The following FKBP5 variants were observed in gnomAD, a reference collection of about 807,000 sequenced individuals.
The protein encoded by FKBP5 is peptidyl-prolyl cis-trans isomerase FKBP5.
In FKBP5, 23 loss-of-function variants were observed where a neutral mutation model predicts 50.5. The observed-to-expected ratio is 0.46, with a 90% CI of 0.33 to 0.65. The LOEUF (loss-of-function observed/expected upper bound fraction) is 0.65. Among genes scored for constraint, FKBP5 ranks in the 30% least tolerant of loss-of-function variants. The pLI is 0.02. For synonymous variants in FKBP5, 176 were observed against 190.6 expected, an observed-to-expected ratio of 0.92 and a Z score of 0.63; for missense variants, 411 against 553.1, an observed-to-expected ratio of 0.74 and a Z score of 2.58.
chr6:35,677,166 C>T (rs910158409), intron 1 of FKBP5, among the ~76,000 whole-genome samples: 2 of 152,162 alleles, frequency 1.3e-5, no homozygotes, highest in Non-Finnish European at 2.9e-5. Context: ...CTCCGCCTCC[C>T]GGGTTCACTC....
At chr6:35,717,657 G>A (rs903535949) in intron 2 of FKBP5, among the ~76,000 whole-genome samples, 5 of 152,252 alleles carry the variant, frequency 3.3e-5, no homozygotes, top group Non-Finnish European at 7.3e-5. Context: ...AGTGGGTCTG[G>A]ACATGGCTGT....
At chr6:35,592,930 T>C (rs116021919) in intron 6 of FKBP5, among the ~76,000 whole-genome samples, 54 of 152,258 alleles carry the variant, frequency 3.5e-4, no homozygotes, top group African/African-American at 1.3e-3. Flanking sequence ...AATCTGCCTG[T>C]GGGGAATGTG....
At chr6:35,652,141 T>G (rs13197859) in intron 1 of FKBP5, among the ~76,000 whole-genome samples, 16 of 152,240 alleles carry the variant, frequency 1.1e-4, no homozygotes, top group Non-Finnish European at 1.9e-4. Context: ...TCAATACCCT[T>G]GTGATTTCCT....
intron 1 of FKBP5, among the ~76,000 whole-genome samples, chr6:35,651,177 C>A (rs1764787948): frequency 6.6e-6 from 1 of 152,084 alleles, no homozygotes; most frequent in African/African-American, 2.4e-5. Context: ...AGATAACTTA[C>A]CAAACTGCTC....
chr6:35,725,463 T>C (rs1204191485), intron 1 of FKBP5, among the ~76,000 whole-genome samples: 1 of 152,120 alleles, frequency 6.6e-6, no homozygotes, highest in Admixed American at 6.5e-5. Context: ...GTGTGGAGAC[T>C]CCACAGCTTT....
chr6:35,593,955 GATTT>G (rs1762897785), intron 6 of FKBP5, among the ~76,000 whole-genome samples: 1 of 152,148 alleles, frequency 6.6e-6, no homozygotes, highest in African/African-American at 2.4e-5. Flanking sequence ...AAACAAAAAA[GATTT>G]ATTAGTCTCA....
chr6:35,583,048 C>A, intron 8 of FKBP5: 1 of 973,384 alleles, frequency 1.0e-6, no homozygotes, highest in Non-Finnish European at 1.2e-6. Flanking sequence ...GCTTGTGCCA[C>A]TGCACTCCAG....
intron 7 of FKBP5, among the ~76,000 whole-genome samples, chr6:35,589,128 ATT>A (rs58812576): frequency 1.3e-3 from 152 of 121,530 alleles, no homozygotes; most frequent in Non-Finnish European, 1.9e-3. Context: ...ATATATATAT[ATT>A]TTTTTTTTTT....
At chr6:35,624,435 G>A (rs1445164620) in intron 3 of FKBP5, among the ~76,000 whole-genome samples, 2 of 152,022 alleles carry the variant, frequency 1.3e-5, no homozygotes, top group Admixed American at 1.3e-4. Flanking sequence ...CTGGGAGCTG[G>A]AGGTTGCAGT....
intron 1 of FKBP5, among the ~76,000 whole-genome samples, chr6:35,653,099 G>A (rs1294292114): frequency 6.6e-6 from 1 of 152,184 alleles, no homozygotes; most frequent in Non-Finnish European, 1.5e-5. Flanking sequence ...AGTGGCTCAA[G>A]CCTGCAATCC....
chr6:35,675,381 C>A (rs1765499137), intron 1 of FKBP5, among the ~76,000 whole-genome samples: 1 of 152,136 alleles, frequency 6.6e-6, no homozygotes, highest in South Asian at 2.1e-4. Flanking sequence ...ACCAGCCTGA[C>A]CAACATGGTG....
At chr6:35,653,829 A>T (rs1331237065) in intron 1 of FKBP5, among the ~76,000 whole-genome samples, 2 of 152,198 alleles carry the variant, frequency 1.3e-5, no homozygotes, top group African/African-American at 4.8e-5. Flanking sequence ...AAAATGGCTA[A>T]CTTGAAGATA....
intron 2 of FKBP5, among the ~76,000 whole-genome samples, chr6:35,703,199 G>A (rs1052320692): frequency 9.0e-4 from 137 of 151,982 alleles, no homozygotes; most frequent in African/African-American, 3.2e-3. Flanking sequence ...GCAATGAGCC[G>A]AGATCATGCC....
At chr6:35,584,084 A>G (rs1762528214) in intron 8 of FKBP5, 3 of 985,344 alleles carry the variant, frequency 3.0e-6, no homozygotes, top group Middle Eastern at 5.2e-4. Flanking sequence ...AACACTGACC[A>G]GGTGTGAGTT....
intron 1 of FKBP5, among the ~76,000 whole-genome samples, chr6:35,652,130 A>T (rs143646047): frequency 6.6e-6 from 1 of 152,158 alleles, no homozygotes; most frequent in Non-Finnish European, 1.5e-5. Flanking sequence ...CACTTCCCCA[A>T]TCAATACCCT....
At chr6:35,692,557 G>C (rs1296853641), upstream of FKBP5, among the ~76,000 whole-genome samples, 1 of 152,140 alleles carries the variant, frequency 6.6e-6, no homozygotes, top group African/African-American at 2.4e-5. Context: ...CCAGCACTTT[G>C]GGAGGCTGAG....
At chr6:35,620,483 C>CT (rs1330503370) in intron 3 of FKBP5, among the ~76,000 whole-genome samples, 1 of 151,380 alleles carries the variant, frequency 6.6e-6, no homozygotes, top group East Asian at 1.9e-4. Context: ...CGGCCCAGCA[C>CT]TTTGGGAGGC....
chr6:35,709,318 C>T (rs1198712076), intron 2 of FKBP5, among the ~76,000 whole-genome samples: 1 of 152,182 alleles, frequency 6.6e-6, no homozygotes, highest in African/African-American at 2.4e-5. Context: ...TTACCTCCTA[C>T]TGGGTCCAAA....
chr6:35,690,804 C>T (rs1022657413), upstream of FKBP5, among the ~76,000 whole-genome samples: 2 of 151,828 alleles, frequency 1.3e-5, no homozygotes, highest in Non-Finnish European at 2.9e-5. Context: ...GTCGGGAGTT[C>T]GAGACCAGCC....
Sources: gnomAD v4.1 joint callset for allele counts (sites outside exome capture counted in the v4.1 genomes callset) on GRCh38, gnomAD v4.1.1 for gene constraint, MANE v1.5 for transcripts, NCBI Gene and HGNC (gene_info 2026-07-23, HGNC 2026-07-21) for gene names.